The following COL4A4 variants were observed in gnomAD, a reference collection of about 807,000 sequenced individuals.
The protein encoded by COL4A4 is collagen alpha-4(IV) chain.
In COL4A4, 105 loss-of-function variants were observed where a neutral mutation model predicts 192.9. The ratio of observed to expected loss-of-function variants is 0.54; its 90% CI spans 0.46 to 0.64. The LOEUF (loss-of-function observed/expected upper bound fraction) is 0.64, where lower values mean the gene tolerates loss of function less well. COL4A4 is among the 30% of genes least tolerant of loss of function. The pLI, the probability that COL4A4 is intolerant of heterozygous loss-of-function variation, is 0.00. For synonymous variants in COL4A4, 762 were observed against 769.9 expected (o/e 0.99, Z 0.17); for missense variants, 1,967 against 2,169.3 (o/e 0.91, Z 1.85).
At chr2:226,967,838 C>T in the COL4A4 span, among the ~76,000 whole-genome samples, 2 of 152,036 alleles carry the variant, frequency 1.3e-5, no homozygotes, top group East Asian at 3.9e-4. Flanking sequence ...AATTTTCATT[C>T]AGTGCCAGGG....
intron 41 of COL4A4, among the ~76,000 whole-genome samples, chr2:227,028,671 A>G (rs1290399945): frequency 6.8e-6 from 1 of 148,120 alleles, no homozygotes; most frequent in East Asian, 2.0e-4. Flanking sequence ...TATTATTATT[A>G]TTATTATTAT....
Position 227,049,923 on chromosome 2 carries a change from G to A in COL4A4, c.3214+145C>T, listed in dbSNP as rs1973708805. The A allele has an allele frequency of 6.7e-6, 5 of 751,332 alleles. No homozygotes were observed. The South Asian group carries it at 7.2e-5, about 11-fold the overall frequency. The allele number at this position is 751,332 out of a possible 1,614,324, so 46.5% of individuals were successfully genotyped here. A position where few individuals can be genotyped will look rare whatever the true frequency, so the allele number is the denominator to read the frequency against. ...CAACTGTAGAATATTTGGATCTTGA[G>A]TGTTTGACTGTCTAACAAGAGCCCC... On this transcript the variant is annotated intron_variant, in intron 34 of 47. Coordinates refer to ENST00000396625, the MANE Select transcript of COL4A4 (RefSeq NM_000092.5).
chr2:227,142,487 C>T lies in COL4A4; in HGVS notation c.114+2029G>A, dbSNP rs577994468. On this transcript the variant is annotated intron_variant, in intron 3 of 47. Transcript: ENST00000396625. ...AAAGTTCAAAGGCTGGCTGCGGTGG[C>T]TCATTCCTGTAATCCCAGCACTTTG... Among the ~76,000 whole-genome samples, 11 of 152,274 alleles carry T rather than the reference C, an allele frequency of 7.2e-5. No individual in the cohort carries two copies. In the South Asian group the frequency reaches 2.3e-3, roughly 32 times the overall value.
At chr2:227,106,073 A>T (rs1435124330) in intron 12 of COL4A4, among the ~76,000 whole-genome samples, 1 of 150,432 alleles carries the variant, frequency 6.6e-6, no homozygotes, top group East Asian at 1.9e-4. Flanking sequence ...TTCAATTTCT[A>T]CCTAAACCTG....
chr2:227,024,301 G>A (rs951993839), intron 43 of COL4A4, among the ~76,000 whole-genome samples: 4 of 152,192 alleles, frequency 2.6e-5, no homozygotes, highest in Non-Finnish European at 4.4e-5. Flanking sequence ...GCCTGAGTTT[G>A]GGAGTTCAAG....
intron 9 of COL4A4, among the ~76,000 whole-genome samples, chr2:227,110,942 A>T (rs185460601): frequency 4.1e-4 from 63 of 152,090 alleles, no homozygotes; most frequent in African/African-American, 1.4e-3. Flanking sequence ...GGCCTCCCAA[A>T]GTGCTGGGAT....
At position 227,103,180 on chromosome 2, in the gene COL4A4, A is replaced by T. The variant is rs948609808; in HGVS notation, c.834T>A (p.Pro278=). 6.2e-7 allele frequency: 1 copy of T among 1,612,884 alleles called. No homozygotes were observed. The change falls in exon 14 of 48, where the codon CCT becomes CCA. Residue 278 remains proline (P), a synonymous_variant. Coordinates refer to ENST00000396625, the MANE Select transcript of COL4A4 (RefSeq NM_000092.5). The part of the protein sequence containing the change: ...YKGEKGIKGI[P]GMVGLPGPPG... ...GTGGTCCTGGCAGTCCAACCATTCCAGGAATTCCTTTTATACCCTAAAAAT... is the reference window on the plus strand; with the variant it reads ...GTGGTCCTGGCAGTCCAACCATTCCTGGAATTCCTTTTATACCCTAAAAAT...
At chr2:227,101,813 T>C (rs2060539792) in intron 16 of COL4A4, 52 bp downstream of exon 16, 1 of 1,363,480 alleles carries the variant, frequency 7.3e-7, no homozygotes, top group Non-Finnish European at 1.0e-6. Flanking sequence ...TTATACTAAA[T>C]TGCATTTACT....
intron 12 of COL4A4, among the ~76,000 whole-genome samples, chr2:227,107,933 T>G (rs570613734): frequency 7.2e-5 from 11 of 152,002 alleles, no homozygotes; most frequent in Non-Finnish European, 1.6e-4. Flanking sequence ...AATTTTTGTA[T>G]TTTTAGTAGA....
At chr2:226,990,561 G>A in the COL4A4 span, among the ~76,000 whole-genome samples, 1 of 152,194 alleles carries the variant, frequency 6.6e-6, no homozygotes, top group Non-Finnish European at 1.5e-5. Context: ...CATGGATGGC[G>A]AACGGTAGGG....
intron 10 of COL4A4, 72 bp downstream of exon 10, chr2:227,109,152 G>T: frequency 7.1e-7 from 1 of 1,418,012 alleles, no homozygotes; most frequent in South Asian, 1.1e-5. Flanking sequence ...GACCCAAAAT[G>T]GCAATGTTGC....
chr2:227,071,371 C>T (rs543023911), intron 25 of COL4A4, among the ~76,000 whole-genome samples: 1 of 151,994 alleles, frequency 6.6e-6, no homozygotes, highest in East Asian at 1.9e-4. Flanking sequence ...TTTATATGCA[C>T]CAAACACTGG....
chr2:227,020,912 T>A (rs1248042192), intron 44 of COL4A4, among the ~76,000 whole-genome samples: 2 of 126,912 alleles, frequency 1.6e-5, no homozygotes, highest in African/African-American at 6.6e-5. Flanking sequence ...GGAGTTTCGC[T>A]CTTGTTGCCC....
chr2:227,073,599 CA>C (rs1192233791), intron 25 of COL4A4, among the ~76,000 whole-genome samples: 2 of 151,720 alleles, frequency 1.3e-5, no homozygotes, highest in African/African-American at 4.8e-5. Context: ...CAATCCTAAG[CA>C]AAAAAGAACA....
At chr2:227,161,243 C>T (rs2064810757) in intron 1 of COL4A4, among the ~76,000 whole-genome samples, 1 of 152,238 alleles carries the variant, frequency 6.6e-6, no homozygotes, top group South Asian at 2.1e-4. Flanking sequence ...CCTAATGGGG[C>T]TTACATTGAA....
At chr2:227,017,289 G>A (rs1965096721) in intron 44 of COL4A4, among the ~76,000 whole-genome samples, 2 of 152,196 alleles carry the variant, frequency 1.3e-5, no homozygotes, top group Non-Finnish European at 1.5e-5. Context: ...AAATTGTCAG[G>A]CGGAAGACAT....
intron 36 of COL4A4, among the ~76,000 whole-genome samples, chr2:227,042,845 G>C (rs138374026): frequency 9.9e-5 from 15 of 152,276 alleles, no homozygotes; most frequent in South Asian, 8.3e-4. Flanking sequence ...TTTGTGTCTG[G>C]TGCCATGCTA....
chr2:227,069,614 A>G (rs1276589387), intron 25 of COL4A4, among the ~76,000 whole-genome samples: 5 of 152,098 alleles, frequency 3.3e-5, no homozygotes, highest in East Asian at 1.9e-4. Context: ...AACAAGCAAT[A>G]GGGAAAGGAT....
At chr2:227,063,496 G>A (rs1232590942) in intron 25 of COL4A4, among the ~76,000 whole-genome samples, 2 of 151,836 alleles carry the variant, frequency 1.3e-5, no homozygotes, top group Non-Finnish European at 2.9e-5. Flanking sequence ...ATCAAAACAA[G>A]AACAAAGGAT....
Sources: allele counts gnomAD v4.1 joint callset (sites outside exome capture counted in the v4.1 genomes callset), GRCh38; gene constraint gnomAD v4.1.1; transcripts MANE v1.5; gene names NCBI Gene and HGNC (gene_info 2026-07-23, HGNC 2026-07-21).